The following TMEM165 variants were observed in gnomAD, a reference collection of about 807,000 sequenced individuals.
TMEM165 encodes transmembrane protein 165, also known as putative divalent cation/proton antiporter TMEM165.
In TMEM165, 19 loss-of-function variants were observed where a neutral mutation model predicts 30.0. The ratio of observed to expected loss-of-function variants is 0.63; its 90% CI spans 0.44 to 0.93. The LOEUF is 0.93. Among genes scored for constraint, TMEM165 ranks in the 40% least tolerant of loss-of-function variants. TMEM165 has a pLI of 0.00. For synonymous variants in TMEM165, 168 were observed against 162.9 expected, an observed-to-expected ratio of 1.03 and a Z score of -0.24; for missense variants, 340 against 417.0, an observed-to-expected ratio of 0.82 and a Z score of 1.61.
chr4:55,418,522 A>G (rs976024840), intron 4 of TMEM165, among the ~76,000 whole-genome samples: 43 of 140,308 alleles, frequency 3.1e-4, no homozygotes, highest in Middle Eastern at 3.8e-3. Context: ...ACCCAGTCTG[A>G]AAAAAAAAAA....
chr4:55,409,542 A>G (rs1305699154), intron 1 of TMEM165, among the ~76,000 whole-genome samples: 1 of 152,166 alleles, frequency 6.6e-6, no homozygotes, highest in African/African-American at 2.4e-5. Context: ...CATTTTGGAT[A>G]TATAATTCTT....
chr4:55,436,031 C>T (rs1722851561), intron 3 of TMEM165, among the ~76,000 whole-genome samples: 2 of 152,150 alleles, frequency 1.3e-5, no homozygotes, highest in Admixed American at 1.3e-4. Context: ...TGGCCAGGAG[C>T]GTGGTGGGCC....
chr4:55,403,384 C>G, intron 1 of TMEM165: 1 of 950,796 alleles, frequency 1.1e-6, no homozygotes, highest in South Asian at 1.8e-5. Context: ...TTTATTTGAA[C>G]TCTAGAACTA....
At chr4:55,442,150 G>A (rs1372473393) in intron 3 of TMEM165, 1 of 382,484 alleles carries the variant, frequency 2.6e-6, no homozygotes, top group African/African-American at 2.1e-5. Context: ...CAGTGACACA[G>A]AGCCTGTCAT....
At chr4:55,414,509 C>T (rs1414784727) in intron 2 of TMEM165, among the ~76,000 whole-genome samples, 1 of 151,960 alleles carries the variant, frequency 6.6e-6, no homozygotes. Context: ...CACAGGTATA[C>T]ATGTGCCATG....
In TMEM165 at chr4:55,445,582, C is replaced by CTTTTTTTTTTTTT. The variant is rs56157186; in HGVS notation, c.409-6643_409-6631dup. Among the ~76,000 whole-genome samples, 343 of 68,592 alleles carry CTTTTTTTTTTTTT rather than the reference C, an allele frequency of 5.0e-3. 58 individuals carry two copies. The highest frequency in any genetic ancestry group is 6.3e-3 in the African/African-American group (118 of 18,616). The allele number at this position is 68,592 out of a possible 152,430, so 45.0% of individuals were successfully genotyped here. On this transcript the variant is annotated intron_variant, in intron 3 of 3. Coordinates refer to the TMEM165 transcript ENST00000608091. Reference sequence around the variant, plus strand: ...TCTCTGCATCTGCTATTTCTATATTCTTTTTTTTTTTTTTTTTTTTTTTTT... The same window carrying CTTTTTTTTTTTTT: ...TCTCTGCATCTGCTATTTCTATATTCTTTTTTTTTTTTTTTTTTTTTTTTTTTTTTTTTTTTTT...
chr4:55,440,743 A>G (rs953086957), intron 3 of TMEM165, among the ~76,000 whole-genome samples: 4 of 152,206 alleles, frequency 2.6e-5, no homozygotes, highest in Non-Finnish European at 5.9e-5. Flanking sequence ...GGTAAATGTG[A>G]TAAGAATATT....
At chr4:55,451,150 C>T (rs1724413577) in intron 3 of TMEM165, among the ~76,000 whole-genome samples, 1 of 152,080 alleles carries the variant, frequency 6.6e-6, no homozygotes, top group East Asian at 1.9e-4. Context: ...CCCTAATTCC[C>T]CCATCCTGGA....
intron 1 of TMEM165, among the ~76,000 whole-genome samples, chr4:55,409,879 TTTAG>T (rs1721414160): frequency 2.0e-5 from 3 of 152,244 alleles, no homozygotes; most frequent in Admixed American, 2.0e-4. Flanking sequence ...TCTCTAACTT[TTTAG>T]TTCTGCCTCT....
At chr4:55,407,757 G>A (rs1721328952) in intron 1 of TMEM165, among the ~76,000 whole-genome samples, 1 of 152,212 alleles carries the variant, frequency 6.6e-6, no homozygotes. Flanking sequence ...AAACAGTGAA[G>A]TAACATGAAA....
chr4:55,398,239 C>T (rs1720814142), intron 1 of TMEM165, among the ~76,000 whole-genome samples: 1 of 152,190 alleles, frequency 6.6e-6, no homozygotes, highest in South Asian at 2.1e-4. Flanking sequence ...TGGAAGTACT[C>T]AGGAAGAAGT....
At chr4:55,403,295 A>G (rs1721111310) in intron 1 of TMEM165, 6 of 1,278,130 alleles carry the variant, frequency 4.7e-6, no homozygotes, top group Middle Eastern at 2.2e-4. Flanking sequence ...AAGCATCTTC[A>G]TCTTCTCTAG....
chr4:55,406,803 C>T (rs1248170626), intron 1 of TMEM165, among the ~76,000 whole-genome samples: 2 of 151,916 alleles, frequency 1.3e-5, no homozygotes, highest in African/African-American at 4.8e-5. Context: ...CTGGAAACTA[C>T]AGGTGTGTGC....
chr4:55,448,599 C>T (rs7667193), intron 3 of TMEM165, among the ~76,000 whole-genome samples: 126 of 105,650 alleles, frequency 1.2e-3, no homozygotes, highest in African/African-American at 3.6e-3. Context: ...CGCGCACGCG[C>T]GCGTGTGTGT....
rs1033513609 is a variant in TMEM165 at position 55,400,511 on chromosome 4, C to T, written c.207+4115C>T. Among the ~76,000 whole-genome samples, 20 of 147,450 alleles carry T rather than the reference C, an allele frequency of 1.4e-4. No individual in the cohort carries two copies. The East Asian group carries it at 1.4e-3, about 10-fold the overall frequency. On this transcript the variant is annotated intron_variant, in intron 1 of 5. Coordinates refer to ENST00000381334, the MANE Select transcript of TMEM165 (RefSeq NM_018475.5). ...GGAGTGCAGTGGCGTGATCTTGGCT[C>T]ACTGCAAGGTCTGCCTTCCAGGCTC...
At chr4:55,418,046 A>G (rs138106821) in intron 4 of TMEM165, 61 bp downstream of exon 4, 3 of 1,480,350 alleles carry the variant, frequency 2.0e-6, no homozygotes, top group Non-Finnish European at 2.7e-6. Context: ...ACTTTGTTCC[A>G]GAAAACACTG....
intron 4 of TMEM165, among the ~76,000 whole-genome samples, chr4:55,420,242 T>C (rs1006338873): frequency 1.3e-5 from 2 of 149,942 alleles, no homozygotes; most frequent in Non-Finnish European, 3.0e-5. Context: ...CAATAGTAAG[T>C]AACCATTTTG....
At chr4:55,443,654 C>T in intron 3 of TMEM165, 1 of 1,549,092 alleles carries the variant, frequency 6.5e-7, no homozygotes, top group Non-Finnish European at 8.9e-7. Flanking sequence ...AACCACTGAT[C>T]ACTCCATAGC....
At chr4:55,448,601 C>CGCGCGTGTGTGT (rs764071880) in intron 3 of TMEM165, among the ~76,000 whole-genome samples, 206 of 117,022 alleles carry the variant, frequency 1.8e-3, no homozygotes, top group South Asian at 4.6e-3. Flanking sequence ...CGCACGCGCG[C>CGCGCGTGTGTGT]GTGTGTGTGT....
Sources: allele counts gnomAD v4.1 joint callset (sites outside exome capture counted in the v4.1 genomes callset), GRCh38; gene constraint gnomAD v4.1.1; transcripts MANE v1.5; gene names NCBI Gene and HGNC (gene_info 2026-07-23, HGNC 2026-07-21).